The following RORA variants were observed in gnomAD, a reference collection of about 807,000 sequenced individuals.
RORA encodes nuclear receptor ROR-alpha.
In RORA, 7 loss-of-function variants were observed where a neutral mutation model predicts 69.5. The observed-to-expected ratio is 0.10, with a 90% CI of 0.06 to 0.19. The LOEUF (loss-of-function observed/expected upper bound fraction) is 0.19. RORA is among the 10% of genes least tolerant of loss of function. RORA has a pLI of 1.00. For missense variants in RORA, 457 were observed against 663.0 expected, an observed-to-expected ratio of 0.69 and a Z score of 3.41; for synonymous variants, 261 against 240.8, an observed-to-expected ratio of 1.08 and a Z score of -0.78.
chr15:60,996,076 T>TTG (rs1894525036), intron 1 of RORA, among the ~76,000 whole-genome samples: 2 of 100,142 alleles, frequency 2.0e-5, no homozygotes, highest in African/African-American at 6.0e-5. Flanking sequence ...TTTTTGTTTT[T>TTG]TTTTTTTTTT....
At chr15:60,626,610 C>T (rs1369293188) in intron 2 of RORA, among the ~76,000 whole-genome samples, 1 of 152,144 alleles carries the variant, frequency 6.6e-6, no homozygotes, top group African/African-American at 2.4e-5. Context: ...CATCATAAAC[C>T]CATGAGGCTG....
chr15:60,982,276 C>T (rs1779741891), intron 1 of RORA, among the ~76,000 whole-genome samples: 1 of 152,192 alleles, frequency 6.6e-6, no homozygotes, highest in Non-Finnish European at 1.5e-5. Context: ...TGGGGCCTGC[C>T]TGCATTTTTC....
At chr15:60,978,860 C>T (rs1487517358) in intron 1 of RORA, among the ~76,000 whole-genome samples, 4 of 151,674 alleles carry the variant, frequency 2.6e-5, no homozygotes, top group East Asian at 1.9e-4. Context: ...TCTATTCCAT[C>T]GGTCCATATG....
At chr15:60,826,973 T>A (rs1166796237) in intron 1 of RORA, among the ~76,000 whole-genome samples, 1 of 152,220 alleles carries the variant, frequency 6.6e-6, no homozygotes, top group East Asian at 1.9e-4. Context: ...TCTTAGTGGG[T>A]ATACCAAAGC....
intron 2 of RORA, among the ~76,000 whole-genome samples, chr15:60,638,388 T>TTTC (rs1006401366): frequency 6.2e-5 from 9 of 145,594 alleles, no homozygotes; most frequent in African/African-American, 2.3e-4. Context: ...TTTCTTTTCT[T>TTTC]TTTTTTTTTT....
At chr15:60,686,303 A>G (rs2140765132) in intron 1 of RORA, among the ~76,000 whole-genome samples, 1 of 152,346 alleles carries the variant, frequency 6.6e-6, no homozygotes, top group South Asian at 2.1e-4. Context: ...TATTTGGGAA[A>G]CATCCCTCTT....
At chr15:60,995,997 A>G (rs1239804214) in intron 1 of RORA, among the ~76,000 whole-genome samples, 4 of 152,184 alleles carry the variant, frequency 2.6e-5, no homozygotes, top group Non-Finnish European at 4.4e-5. Context: ...AACAAAAATG[A>G]GGAACTAAGA....
At chr15:61,117,564 C>T (rs762716562) in intron 1 of RORA, among the ~76,000 whole-genome samples, 1 of 152,106 alleles carries the variant, frequency 6.6e-6, no homozygotes, top group Non-Finnish European at 1.5e-5. Context: ...ACCTTTACTT[C>T]GAAGTGCCAT....
chr15:60,969,181 C>A (rs1362768594), intron 1 of RORA, among the ~76,000 whole-genome samples: 1 of 152,176 alleles, frequency 6.6e-6, no homozygotes, highest in Non-Finnish European at 1.5e-5. Flanking sequence ...TGGAGACTGT[C>A]AAGCTTCTCC....
At chr15:60,677,159 G>C in intron 2 of RORA, 1 of 456,032 alleles carries the variant, frequency 2.2e-6, no homozygotes, top group South Asian at 1.5e-5. Context: ...ACCACCTCTA[G>C]AGTGGGTCCC....
intron 1 of RORA, among the ~76,000 whole-genome samples, chr15:61,209,307 A>G (rs1439751781): frequency 6.6e-6 from 1 of 152,182 alleles, no homozygotes; most frequent in Non-Finnish European, 1.5e-5. Context: ...ATTTAAAACA[A>G]TGATACCCCA....
chr15:61,014,543 T>C (rs1307727662), intron 1 of RORA, among the ~76,000 whole-genome samples: 1 of 152,232 alleles, frequency 6.6e-6, no homozygotes, highest in African/African-American at 2.4e-5. Context: ...TTAGAATTTA[T>C]GCTCTTCTGA....
rs780964649 is a variant in RORA, at chr15:61,229,182, T to G, written c.37A>C (p.Ser13Arg). ...SAPAAPDPAA[S>R]EPGSSGADAA... Reference sequence around the variant, plus strand: ...TCCGCGCCGCTGCTGCCTGGCTCGCTGGCGGCGGGGTCGGGGGCTGCCGGA... The same window carrying G: ...TCCGCGCCGCTGCTGCCTGGCTCGCGGGCGGCGGGGTCGGGGGCTGCCGGA... The change falls in exon 1 of 11, where the codon AGC becomes CGC. Residue 13 changes from serine (S) to arginine (R), a missense_variant. By Grantham distance (110) the Ser-to-Arg change is moderately radical. This residue lies in a region of RORA where 119 missense variants were observed against 92.4 expected (regional missense o/e 1.29). Transcript: ENST00000335670. 10 of 1,555,872 alleles carry G rather than the reference T, an allele frequency of 6.4e-6. No individual in the cohort carries two copies. Among genetic ancestry groups the G allele is most frequent in the Non-Finnish European group, 8.7e-6 (10 of 1,152,408 alleles).
intron 1 of RORA, among the ~76,000 whole-genome samples, chr15:61,058,833 T>A (rs1004734933): frequency 6.6e-6 from 1 of 152,208 alleles, no homozygotes; most frequent in African/African-American, 2.4e-5. Flanking sequence ...GGCCTTTCTA[T>A]GTTTAAGCAT....
intron 1 of RORA, among the ~76,000 whole-genome samples, chr15:61,180,035 C>T (rs968433097): frequency 1.3e-5 from 2 of 149,220 alleles, no homozygotes; most frequent in South Asian, 2.1e-4. Flanking sequence ...TCCCAGCTAC[C>T]GAGGAGGCTG....
At position 60,852,987 on chromosome 15, in the gene RORA, G is replaced by A. The variant is rs141920036; in HGVS notation, c.167-174301C>T. Among the ~76,000 whole-genome samples, 472 of 152,292 alleles carry A rather than the reference G, an allele frequency of 3.1e-3. 2 individuals carry two copies. Among genetic ancestry groups the A allele is most frequent in the African/African-American group, 0.011 (437 of 41,552 alleles). On this transcript the variant is annotated intron_variant, in intron 1 of 10. Coordinates refer to ENST00000335670, the MANE Select transcript of RORA (RefSeq NM_134261.3). ...CAGCATCTCCCCCTGAAAGATTGCC[G>A]GTAATATCCTTTGTGTCTGTCGCTG...
In RORA at chr15:60,968,909, T is replaced by C. The variant is rs545317048; in HGVS notation, c.166+260144A>G. On this transcript the variant is annotated intron_variant, in intron 1 of 10. Coordinates refer to ENST00000335670, the MANE Select transcript of RORA (RefSeq NM_134261.3). ...GATCACAAGCTGCCTTTAGTTGTCA[T>C]GTCTCTTCTTCCTCAATCTGAAACA... Among the ~76,000 whole-genome samples the C allele has an allele frequency of 2.0e-5, 3 of 152,380 alleles. No homozygotes were observed. In the South Asian group the frequency reaches 6.2e-4, roughly 32 times the overall value.
intron 1 of RORA, among the ~76,000 whole-genome samples, chr15:61,127,598 C>A (rs117084075): frequency 1.3e-5 from 2 of 152,210 alleles, no homozygotes; most frequent in African/African-American, 4.8e-5. Context: ...CAATCAACAC[C>A]AAGTATGCAT....
At chr15:61,022,449 G>C (rs1303220109) in intron 1 of RORA, among the ~76,000 whole-genome samples, 4 of 152,082 alleles carry the variant, frequency 2.6e-5, no homozygotes, top group African/African-American at 9.7e-5. Flanking sequence ...GACCTTATAG[G>C]CACCATCTTT....
Sources: allele counts gnomAD v4.1 joint callset (sites outside exome capture counted in the v4.1 genomes callset), GRCh38; gene constraint gnomAD v4.1.1; regional missense constraint gnomAD v4.1.1; transcripts MANE v1.5; gene names NCBI Gene and HGNC (gene_info 2026-07-23, HGNC 2026-07-21).